The following ASIC2 variants were observed in gnomAD, a reference collection of about 807,000 sequenced individuals.
ASIC2 encodes acid sensing ion channel subunit 2, also known as acid-sensing ion channel 2.
Under a neutral mutation model 57.3 loss-of-function variants are expected in ASIC2, and 25 were observed. The ratio of observed to expected loss-of-function variants is 0.44; its 90% CI spans 0.32 to 0.61. The LOEUF (loss-of-function observed/expected upper bound fraction) is 0.61. Ranked by LOEUF, ASIC2 falls within the 20% of genes least tolerant of loss-of-function variation. The probability of loss-of-function intolerance (pLI) is 0.06; values close to 1 mark genes in which losing one functional copy is unlikely to be tolerated. For synonymous variants in ASIC2, 319 were observed against 307.5 expected (o/e 1.04, Z -0.39); for missense variants, 641 against 738.1 (o/e 0.87, Z 1.52).
intron 2 of ASIC2, among the ~76,000 whole-genome samples, chr17:33,108,213 T>C (rs1347458632): frequency 6.6e-6 from 1 of 152,184 alleles, no homozygotes; most frequent in Non-Finnish European, 1.5e-5. Context: ...CTTGACCTGG[T>C]CATGCCATTT....
At chr17:33,634,483 TG>T (rs1906279872) in intron 1 of ASIC2, among the ~76,000 whole-genome samples, 1 of 151,992 alleles carries the variant, frequency 6.6e-6, no homozygotes, top group East Asian at 1.9e-4. Context: ...GGCTTGATAC[TG>T]GATATTCAGA....
At chr17:34,116,682 T>C (rs956147221) in intron 1 of ASIC2, among the ~76,000 whole-genome samples, 1 of 152,094 alleles carries the variant, frequency 6.6e-6, no homozygotes, top group Non-Finnish European at 1.5e-5. Flanking sequence ...AGGGGTGAGA[T>C]TTAAAAGATG....
At chr17:33,579,168 C>T (rs957297063) in intron 1 of ASIC2, among the ~76,000 whole-genome samples, 3 of 151,682 alleles carry the variant, frequency 2.0e-5, no homozygotes, top group Admixed American at 6.6e-5. Flanking sequence ...CGCCTGTAAT[C>T]CCAGCTACTT....
At chr17:33,422,395 A>C (rs1422455627) in intron 1 of ASIC2, among the ~76,000 whole-genome samples, 1 of 152,190 alleles carries the variant, frequency 6.6e-6, no homozygotes, top group Non-Finnish European at 1.5e-5. Flanking sequence ...CAGGTGATGC[A>C]AAGACTTTTA....
intron 1 of ASIC2, among the ~76,000 whole-genome samples, chr17:33,122,175 C>G (rs2092305116): frequency 6.6e-6 from 1 of 152,170 alleles, no homozygotes; most frequent in Non-Finnish European, 1.5e-5. Flanking sequence ...TCTGTTGTCC[C>G]TACTGCCTAT....
intron 1 of ASIC2, among the ~76,000 whole-genome samples, chr17:33,264,016 C>T (rs560297180): frequency 2.0e-5 from 3 of 152,324 alleles, no homozygotes; most frequent in South Asian, 4.1e-4. Context: ...AGCTGTGTGA[C>T]CTTGGACAAG....
At chr17:33,177,197 G>A (rs1905794125) in intron 1 of ASIC2, among the ~76,000 whole-genome samples, 1 of 152,194 alleles carries the variant, frequency 6.6e-6, no homozygotes, top group Admixed American at 6.5e-5. Context: ...GGGATCCCCT[G>A]TGTTCCACTG....
intron 1 of ASIC2, among the ~76,000 whole-genome samples, chr17:33,736,890 C>A (rs1426773448): frequency 3.9e-5 from 6 of 152,222 alleles, no homozygotes; most frequent in Admixed American, 2.0e-4. Flanking sequence ...ATGTTTTTGG[C>A]CAATTGCATA....
rs546700328 is a variant in ASIC2 at position 33,901,864 on chromosome 17, C to T, written c.555+254114G>A. Among the ~76,000 whole-genome samples, 126 of 152,230 alleles carry T rather than the reference C, an allele frequency of 8.3e-4. 1 individual carries two copies. Among genetic ancestry groups the T allele is most frequent in the African/African-American group, 3.0e-3 (124 of 41,514 alleles). On this transcript the variant is annotated intron_variant, in intron 1 of 9. Coordinates refer to the ASIC2 transcript ENST00000359872. ...GTAGTATAATGTTTGCCTTATGGTTCTATGTTTCATCAATCATTTAATGAC... is the reference window on the plus strand; with the variant it reads ...GTAGTATAATGTTTGCCTTATGGTTTTATGTTTCATCAATCATTTAATGAC...
intron 1 of ASIC2, among the ~76,000 whole-genome samples, chr17:33,845,696 C>T (rs1913574988): frequency 6.6e-6 from 1 of 152,186 alleles, no homozygotes; most frequent in South Asian, 2.1e-4. Flanking sequence ...TTCTCCCCAC[C>T]TTCATCTTTC....
intron 1 of ASIC2, among the ~76,000 whole-genome samples, chr17:34,101,168 A>G (rs1910850112): frequency 6.6e-6 from 1 of 152,190 alleles, no homozygotes; most frequent in Admixed American, 6.5e-5. Flanking sequence ...AAGCATGGGC[A>G]TGGAGATCTA....
Position 33,985,862 on chromosome 17 carries a change from T to G in ASIC2, c.555+170116A>C, listed in dbSNP as rs1231524501. Among the ~76,000 whole-genome samples the G allele has an allele frequency of 5.3e-5, 8 of 152,234 alleles. 1 individual carries two copies. The highest frequency in any genetic ancestry group is 5.2e-4 in the Admixed American group (8 of 15,294). On this transcript the variant is annotated intron_variant, in intron 1 of 9. Coordinates refer to the ASIC2 transcript ENST00000359872. Reference sequence around the variant, plus strand: ...CTCCCTATGTCCAGGTCCACAGGCCTTCCCTGAGAAGACACAATAGGCATC... The same window carrying G: ...CTCCCTATGTCCAGGTCCACAGGCCGTCCCTGAGAAGACACAATAGGCATC...
chr17:34,031,720 A>G (rs1235818240), intron 1 of ASIC2, among the ~76,000 whole-genome samples: 1 of 152,272 alleles, frequency 6.6e-6, no homozygotes, highest in Non-Finnish European at 1.5e-5. Context: ...CGAATGCAGA[A>G]GCCTCAGTAG....
chr17:33,686,893 T>C (rs925931606), intron 1 of ASIC2, among the ~76,000 whole-genome samples: 4 of 151,990 alleles, frequency 2.6e-5, no homozygotes, highest in Non-Finnish European at 5.9e-5. Context: ...GTGATACCAG[T>C]AGAGTTACAT....
intron 2 of ASIC2, among the ~76,000 whole-genome samples, chr17:33,094,490 T>G (rs1368349056): frequency 6.6e-6 from 1 of 152,166 alleles, no homozygotes; most frequent in Non-Finnish European, 1.5e-5. Context: ...TAACAGTCTT[T>G]GATTAATTTC....
intron 1 of ASIC2, among the ~76,000 whole-genome samples, chr17:33,643,135 C>T (rs926496289): frequency 1.4e-4 from 15 of 107,938 alleles, no homozygotes; most frequent in African/African-American, 6.0e-4. Context: ...TTATCATTCT[C>T]ACATGCTCAT....
At chr17:33,870,949 C>A (rs1914388319) in intron 1 of ASIC2, among the ~76,000 whole-genome samples, 1 of 152,222 alleles carries the variant, frequency 6.6e-6, no homozygotes, top group African/African-American at 2.4e-5. Flanking sequence ...GCCTTGCAAA[C>A]TGTCCTGAAT....
chr17:33,944,602 G>A (rs1011107538), intron 1 of ASIC2, among the ~76,000 whole-genome samples: 2 of 152,186 alleles, frequency 1.3e-5, no homozygotes, highest in Non-Finnish European at 2.9e-5. Context: ...AGGGTTTCAG[G>A]AGCGTGTGAT....
At chr17:33,045,648 G>A (rs1465916703) in intron 3 of ASIC2, among the ~76,000 whole-genome samples, 2 of 152,106 alleles carry the variant, frequency 1.3e-5, no homozygotes, top group Non-Finnish European at 2.9e-5. Flanking sequence ...CATGGCGGGG[G>A]CCACCATCTG....
Sources: gnomAD v4.1 joint callset for allele counts (sites outside exome capture counted in the v4.1 genomes callset) on GRCh38, gnomAD v4.1.1 for gene constraint, MANE v1.5 for transcripts, NCBI Gene and HGNC (gene_info 2026-07-23, HGNC 2026-07-21) for gene names.